Variants in AK8 observed in about 807,000 individuals in gnomAD.
AK8 encodes ATP-AMP transphosphorylase 8.
A neutral mutation model predicts 54.6 loss-of-function variants in AK8; 44 were observed. The ratio of observed to expected loss-of-function variants is 0.81; its 90% confidence interval spans 0.63 to 1.04. AK8 has a LOEUF of 1.04. AK8 is among the 50% of genes least tolerant of loss of function. The pLI, the probability that AK8 is intolerant of heterozygous loss-of-function variation, is 0.00. For synonymous variants in AK8, 239 were observed against 245.6 expected (o/e 0.97, Z 0.25); for missense variants, 555 against 613.6 (o/e 0.90, Z 1.01).
chr9:132,809,836 G>A (rs2131236674), intron 10 of AK8, among the ~76,000 whole-genome samples: 1 of 152,362 alleles, frequency 6.6e-6, no homozygotes, highest in South Asian at 2.1e-4. Flanking sequence ...CTCAATTCGG[G>A]AAGGAGGGGG....
At chr9:132,828,198 T>C in intron 6 of AK8, 114 bp from the exon 7 acceptor site, 1 of 896,912 alleles carries the variant, frequency 1.1e-6, no homozygotes, top group Non-Finnish European at 1.7e-6. Context: ...TATAATGACA[T>C]TAAAACAACA....
At chr9:132,814,584 A>G in intron 10 of AK8, 54 bp downstream of exon 10, 2 of 1,538,324 alleles carry the variant, frequency 1.3e-6, no homozygotes, top group South Asian at 1.2e-5. Context: ...GCACAAAAAG[A>G]AAGTTCTCTC....
intron 5 of AK8, among the ~76,000 whole-genome samples, chr9:132,848,507 G>A (rs968237449): frequency 2.0e-5 from 3 of 152,136 alleles, no homozygotes; most frequent in Non-Finnish European, 4.4e-5. Flanking sequence ...CCTCACTTCT[G>A]GCTGCCATTC....
At chr9:132,852,609 CAA>C (rs35481626) in intron 5 of AK8, among the ~76,000 whole-genome samples, 75 of 128,758 alleles carry the variant, frequency 5.8e-4, no homozygotes, top group Non-Finnish European at 6.6e-4. Flanking sequence ...GACTCCATCT[CAA>C]AAAAAAAAAA....
rs1022061535 is a variant in AK8 at position 132,790,163 on chromosome 9, C to T, written c.1121+2471G>A. Among the ~76,000 whole-genome samples the T allele has an allele frequency of 3.3e-5, 5 of 151,996 alleles. No homozygotes were observed. The highest frequency in any genetic ancestry group is 1.2e-4 in the African/African-American group (5 of 41,406). On this transcript the variant is annotated intron_variant, in intron 11 of 12. Transcript: ENST00000298545. The surrounding 1 kb of genome is among the most constrained non-coding windows in gnomAD (Gnocchi z 4.1). ...ACTAATATTAACATAATTTATAATA[C>T]CAATGTGTCAAAAAGGAAAAACAAT...
rs1348261349 is a variant in AK8 at position 132,878,008 on chromosome 9, G to A, written c.84+164C>T. The A allele has an allele frequency of 6.6e-7, 1 of 1,509,522 alleles. No individual in the cohort carries two copies. The highest frequency in any genetic ancestry group is 9.0e-7 in the Non-Finnish European group (1 of 1,116,196). 93.5% of individuals were successfully genotyped at this position (1,509,522 alleles called of 1,614,324 possible). A position where few individuals can be genotyped will look rare whatever the true frequency, so the allele number is the denominator to read the frequency against. ...GACCAGGAGCGTCCCCAGCTCGAGGGCCCCCTCGGGGTCACGGCGACACAC... is the reference window on the plus strand; with the variant it reads ...GACCAGGAGCGTCCCCAGCTCGAGGACCCCCTCGGGGTCACGGCGACACAC... On this transcript the variant is annotated intron_variant, in intron 1 of 12. Transcript: ENST00000298545. The surrounding 1 kb of genome is among the most constrained non-coding windows in gnomAD (Gnocchi z 4.7).
chr9:132,834,519 G>A (rs146558806), intron 5 of AK8, among the ~76,000 whole-genome samples: 47 of 152,222 alleles, frequency 3.1e-4, no homozygotes, highest in African/African-American at 1.1e-3. Flanking sequence ...CACTGAACAC[G>A]GAACGTTAGT....
intron 12 of AK8, among the ~76,000 whole-genome samples, chr9:132,726,769 G>A (rs561584403): frequency 7.2e-5 from 11 of 152,216 alleles, no homozygotes; most frequent in South Asian, 4.1e-4. Flanking sequence ...GGGAGAGACC[G>A]CAGGGACAGG....
intron 4 of AK8, chr9:132,861,536 C>T (rs1024132228): frequency 6.6e-6 from 1 of 152,212 alleles, no homozygotes. Flanking sequence ...TCCCACAGCA[C>T]TGCAGAATAG....
chr9:132,768,561 C>T (rs752344497), intron 11 of AK8, among the ~76,000 whole-genome samples: 1 of 152,186 alleles, frequency 6.6e-6, no homozygotes, highest in Non-Finnish European at 1.5e-5. Flanking sequence ...GCCACCGTGC[C>T]GGCCAACTTT....
chr9:132,759,947 A>G (rs1838375493), intron 11 of AK8, among the ~76,000 whole-genome samples: 1 of 134,982 alleles, frequency 7.4e-6, no homozygotes, highest in Non-Finnish European at 1.6e-5. Flanking sequence ...AGTTGCATCA[A>G]AAAGAACCAC....
intron 3 of AK8, 69 bp from the exon 4 acceptor site, chr9:132,863,847 T>C: frequency 8.5e-7 from 1 of 1,176,462 alleles, no homozygotes; most frequent in Non-Finnish European, 1.2e-6. Flanking sequence ...TCTATTAAAA[T>C]GCCCTGGTCC....
At chr9:132,795,392 G>A (rs1381785829) in intron 10 of AK8, among the ~76,000 whole-genome samples, 1 of 152,106 alleles carries the variant, frequency 6.6e-6, no homozygotes, top group Non-Finnish European at 1.5e-5. Flanking sequence ...ACTGGGGCGT[G>A]GGGAGCCAGC....
At chr9:132,748,166 G>C (rs1284885277) in intron 11 of AK8, among the ~76,000 whole-genome samples, 2 of 151,886 alleles carry the variant, frequency 1.3e-5, no homozygotes, top group Non-Finnish European at 2.9e-5. Context: ...ACGGAAAAGT[G>C]TGCATTTTCA....
Position 132,846,426 on chromosome 9 carries a change from G to T in AK8, c.402+8431C>A, listed in dbSNP as rs549846838. On this transcript the variant is annotated intron_variant, in intron 5 of 12. Coordinates refer to ENST00000298545, the MANE Select transcript of AK8 (RefSeq NM_152572.3). The stretch of plus-strand genomic sequence containing the variant: ...TCCATGACTAGAACTTCTGTTCCTT[G>T]AGAGCAAGACGTTTAACTCTCTTGT... 3.3e-5 allele frequency among the ~76,000 whole-genome samples: 5 copies of T among 152,338 alleles called. No homozygotes were observed. In the South Asian group the frequency reaches 1.0e-3, roughly 32 times the overall value.
At chr9:132,852,801 A>G (rs796673333) in intron 5 of AK8, among the ~76,000 whole-genome samples, 9 of 149,546 alleles carry the variant, frequency 6.0e-5, no homozygotes, top group African/African-American at 2.2e-4. Context: ...AAAAAGAAAG[A>G]AAGAAAAAAT....
chr9:132,807,983 C>T (rs1323593391), intron 10 of AK8, among the ~76,000 whole-genome samples: 1 of 151,774 alleles, frequency 6.6e-6, no homozygotes, highest in Middle Eastern at 3.2e-3. Context: ...TCTAGTAGCG[C>T]CTTTGCTTGA....
intron 3 of AK8, among the ~76,000 whole-genome samples, chr9:132,864,324 G>A (rs1843505253): frequency 6.6e-6 from 1 of 152,194 alleles, no homozygotes; most frequent in Non-Finnish European, 1.5e-5. Context: ...TTTCAGCCTC[G>A]AGATGGTTCT....
chr9:132,775,044 A>ACAG (rs1839150866), intron 11 of AK8, among the ~76,000 whole-genome samples: 1 of 152,154 alleles, frequency 6.6e-6, no homozygotes, highest in South Asian at 2.1e-4. Context: ...CTCAGACACT[A>ACAG]CAGCAGGAAA....
Sources: gnomAD v4.1 joint callset for allele counts (sites outside exome capture counted in the v4.1 genomes callset) on GRCh38, gnomAD v4.1.1 for gene constraint, Gnocchi (gnomAD v3.1) non-coding constraint, MANE v1.5 for transcripts, NCBI Gene and HGNC (gene_info 2026-07-23, HGNC 2026-07-21) for gene names.